Variants in DPF3 observed in about 807,000 individuals in gnomAD.
DPF3 encodes double PHD fingers 3.
Under a neutral mutation model 56.8 loss-of-function variants are expected in DPF3, and 18 were observed. The ratio of observed to expected loss-of-function variants is 0.32; its 90% CI spans 0.22 to 0.47. DPF3 has a LOEUF of 0.47. Among genes scored for constraint, DPF3 ranks in the 20% least tolerant of loss-of-function variants. The pLI, the probability that DPF3 is intolerant of heterozygous loss-of-function variation, is 1.00. For synonymous variants in DPF3, 188 were observed against 180.2 expected (o/e 1.04, Z -0.35); for missense variants, 403 against 488.8 (o/e 0.82, Z 1.65).
At chr14:72,721,441 C>T (rs740972) in intron 5 of DPF3, among the ~76,000 whole-genome samples, 43,187 of 151,876 alleles carry the variant, frequency 0.28, 6,850 homozygotes, top group East Asian at 0.46. Context: ...TCACCAAAGG[C>T]CCAGGAAGTC....
chr14:72,702,339 T>C (rs1161152296), intron 6 of DPF3, among the ~76,000 whole-genome samples: 1 of 152,096 alleles, frequency 6.6e-6, no homozygotes, highest in Non-Finnish European at 1.5e-5. Flanking sequence ...ACAGGGGCTG[T>C]ATAGGGGCCC....
chr14:72,649,660 T>TGGGGGG (rs372597512), intron 8 of DPF3, among the ~76,000 whole-genome samples: 34 of 61,130 alleles, frequency 5.6e-4, no homozygotes, highest in Non-Finnish European at 9.5e-4. Context: ...CATCCCTGGG[T>TGGGGGG]GGGGGGGGGG....
At chr14:72,759,998 C>A (rs192975527) in intron 2 of DPF3, among the ~76,000 whole-genome samples, 67 of 152,108 alleles carry the variant, frequency 4.4e-4, no homozygotes, top group African/African-American at 1.5e-3. Flanking sequence ...ATCAACAAAC[C>A]CACACTCTAA....
Position 72,771,904 on chromosome 14 carries a change from C to A in DPF3, c.33-11G>T. The A allele has an allele frequency of 6.4e-7, 1 of 1,566,962 alleles. No individual in the cohort carries two copies. Among genetic ancestry groups the A allele is most frequent in the South Asian group, 1.2e-5 (1 of 84,112 alleles). ...AACTGGTCCCCGAGCCTGCCAGAGTCAGAGAGTGAAGGGGTGAGGCCAGGG... is the reference window on the plus strand; with the variant it reads ...AACTGGTCCCCGAGCCTGCCAGAGTAAGAGAGTGAAGGGGTGAGGCCAGGG... On this transcript the variant is annotated splice_polypyrimidine_tract_variant and intron_variant, in intron 1 of 10. Coordinates refer to ENST00000556509, the MANE Select transcript of DPF3 (RefSeq NM_001280542.3).
At chr14:72,680,624 G>A (rs1887122926) in intron 7 of DPF3, among the ~76,000 whole-genome samples, 1 of 152,272 alleles carries the variant, frequency 6.6e-6, no homozygotes, top group Admixed American at 6.5e-5. Flanking sequence ...GGCCAGGGCT[G>A]CTGTCATGAG....
chr14:72,807,213 T>C (rs1882821367), intron 1 of DPF3, among the ~76,000 whole-genome samples: 1 of 152,250 alleles, frequency 6.6e-6, no homozygotes, highest in Non-Finnish European at 1.5e-5. Flanking sequence ...TTAGTAATTC[T>C]GTAATGTCTT....
rs561870645 is a variant in DPF3, at chr14:72,750,828, CTGATTACCTT to C, written c.301+2426_301+2435del. On this transcript the variant is annotated intron_variant, in intron 3 of 10. Coordinates refer to ENST00000556509, the MANE Select transcript of DPF3 (RefSeq NM_001280542.3). Reference sequence around the variant, plus strand: ...AAAAAAAAAAAAAAACCTGCTACCACTGATTACCTTTGGAGAGACTGGGTCTTATTTTTCA... The same window carrying C: ...AAAAAAAAAAAAAAACCTGCTACCACTGGAGAGACTGGGTCTTATTTTTCA... Among the ~76,000 whole-genome samples, 394 of 145,312 alleles carry C rather than the reference CTGATTACCTT, an allele frequency of 2.7e-3. 1 individual carries two copies. The highest frequency in any genetic ancestry group is 9.5e-3 in the African/African-American group (377 of 39,478).
chr14:72,650,362 A>G (rs1567189440), intron 8 of DPF3, among the ~76,000 whole-genome samples: 1 of 152,248 alleles, frequency 6.6e-6, no homozygotes, highest in Admixed American at 6.5e-5. Context: ...CCCTGAAATG[A>G]AAGGGGAGAA....
chr14:72,632,175 TC>T (rs1885207361), intron 8 of DPF3, among the ~76,000 whole-genome samples: 1 of 152,218 alleles, frequency 6.6e-6, no homozygotes, highest in East Asian at 1.9e-4. Context: ...AGTAAGTGGG[TC>T]ACATTTTGTT....
At chr14:72,714,668 C>T (rs1445322146) in intron 5 of DPF3, among the ~76,000 whole-genome samples, 167 bp from the exon 6 acceptor site, 2 of 152,138 alleles carry the variant, frequency 1.3e-5, no homozygotes, top group East Asian at 1.9e-4. Flanking sequence ...AGGAGACATG[C>T]CCCCAAATCA....
At chr14:72,671,633 A>C (rs1234222731) in intron 8 of DPF3, among the ~76,000 whole-genome samples, 1 of 152,242 alleles carries the variant, frequency 6.6e-6, no homozygotes, top group Middle Eastern at 3.2e-3. Flanking sequence ...GTGCATACAC[A>C]CAGGCGCTTG....
intron 8 of DPF3, among the ~76,000 whole-genome samples, chr14:72,659,680 G>T (rs767543642): frequency 6.6e-6 from 1 of 152,160 alleles, no homozygotes; most frequent in Admixed American, 6.5e-5. Flanking sequence ...GGGTGCAATC[G>T]CTTCCCATGG....
intron 1 of DPF3, among the ~76,000 whole-genome samples, chr14:72,852,583 T>A (rs960980336): frequency 5.9e-5 from 9 of 152,254 alleles, no homozygotes; most frequent in Non-Finnish European, 7.3e-5. Context: ...GATCACAGCC[T>A]GTCGCCATGA....
At chr14:72,663,185 T>C (rs1487104858) in intron 8 of DPF3, among the ~76,000 whole-genome samples, 2 of 84,488 alleles carry the variant, frequency 2.4e-5, no homozygotes, top group African/African-American at 9.8e-5. Context: ...AAAAAAAAAA[T>C]TCCCCTCCAC....
At chr14:72,807,471 G>A (rs1374977136) in intron 1 of DPF3, among the ~76,000 whole-genome samples, 2 of 152,124 alleles carry the variant, frequency 1.3e-5, no homozygotes, top group Non-Finnish European at 2.9e-5. Flanking sequence ...CTGCCCCTTT[G>A]ACTCGGCTAG....
chr14:72,865,410 A>G (rs1885621816), intron 1 of DPF3, among the ~76,000 whole-genome samples: 1 of 152,260 alleles, frequency 6.6e-6, no homozygotes, highest in South Asian at 2.1e-4. Context: ...AGGTTGGGCC[A>G]GGAAGGGCCT....
chr14:72,694,327 T>C (rs1359059633), intron 6 of DPF3, among the ~76,000 whole-genome samples: 3 of 151,518 alleles, frequency 2.0e-5, no homozygotes, highest in Non-Finnish European at 4.4e-5. Context: ...TGCTCTCTGC[T>C]GGAGTGCCTG....
intron 1 of DPF3, among the ~76,000 whole-genome samples, chr14:72,843,212 C>A (rs1364144726): frequency 3.3e-5 from 5 of 152,124 alleles, no homozygotes; most frequent in African/African-American, 1.2e-4. Flanking sequence ...GAAACTGGCA[C>A]TTTCTTTGGA....
intron 9 of DPF3, among the ~76,000 whole-genome samples, chr14:72,626,363 C>A (rs1486393080): frequency 1.3e-5 from 2 of 152,114 alleles, no homozygotes; most frequent in Admixed American, 6.5e-5. Context: ...TCTTATATTT[C>A]TTTTACACAA....
Sources: allele counts gnomAD v4.1 joint callset (sites outside exome capture counted in the v4.1 genomes callset), GRCh38; gene constraint gnomAD v4.1.1; transcripts MANE v1.5; gene names NCBI Gene and HGNC (gene_info 2026-07-23, HGNC 2026-07-21).